Variants in ENPP6 observed in about 807,000 individuals in gnomAD.
ENPP6 encodes ectonucleotide pyrophosphatase/phosphodiesterase 6, also known as glycerophosphocholine cholinephosphodiesterase ENPP6.
Under a neutral mutation model 42.0 loss-of-function variants are expected in ENPP6, and 32 were observed. The observed-to-expected ratio is 0.76, with a 90% CI of 0.58 to 1.02. ENPP6 has a LOEUF of 1.02. Among genes scored for constraint, ENPP6 ranks in the 50% least tolerant of loss-of-function variants. The probability of loss-of-function intolerance (pLI) is 0.00; values close to 1 mark genes in which losing one functional copy is unlikely to be tolerated. For synonymous variants in ENPP6, 213 were observed against 216.0 expected, an observed-to-expected ratio of 0.99 and a Z score of 0.12; for missense variants, 552 against 566.8, an observed-to-expected ratio of 0.97 and a Z score of 0.27.
chr4:184,203,956 A>G (rs1335459388), intron 1 of ENPP6: 1 of 152,236 alleles, frequency 6.6e-6, no homozygotes, highest in East Asian at 1.9e-4. Flanking sequence ...GGTGGCTTAA[A>G]CAAAAGAAAT....
intron 1 of ENPP6, among the ~76,000 whole-genome samples, chr4:184,211,550 T>C (rs987721040): frequency 6.6e-6 from 1 of 152,174 alleles, no homozygotes; most frequent in African/African-American, 2.4e-5. Flanking sequence ...AGGAATTGAA[T>C]CTCTGAATAG....
chr4:184,117,124 A>G (rs1736333851), intron 4 of ENPP6, 89 bp from the exon 5 acceptor site: 1 of 1,440,930 alleles, frequency 6.9e-7, no homozygotes, highest in Non-Finnish European at 9.6e-7. Context: ...GATAGGAGAA[A>G]GGCTATCTCC....
At chr4:184,157,685 T>G (rs1737194027) in intron 1 of ENPP6, among the ~76,000 whole-genome samples, 1 of 151,654 alleles carries the variant, frequency 6.6e-6, no homozygotes, top group African/African-American at 2.4e-5. Flanking sequence ...CAATCATTGC[T>G]CACTGCAACC....
intron 1 of ENPP6, among the ~76,000 whole-genome samples, chr4:184,173,150 C>A (rs1737500614): frequency 6.6e-6 from 1 of 152,096 alleles, no homozygotes; most frequent in Non-Finnish European, 1.5e-5. Flanking sequence ...AATGATCCAC[C>A]CCCCTCAGCC....
intron 1 of ENPP6, among the ~76,000 whole-genome samples, chr4:184,175,314 C>T (rs879354852): frequency 3.3e-5 from 5 of 152,172 alleles, no homozygotes; most frequent in African/African-American, 7.2e-5. Context: ...AAAATCAGTA[C>T]AGGGCCATAA....
Position 184,153,681 on chromosome 4 carries a change from G to C in ENPP6, c.294C>G (p.Thr98=). The part of the protein sequence containing the change: ...QMIGNYMWDP[T]TNKSFDIGVN... ...CGCCAATGTCAAAGGACTTGTTGGT[G>C]GTGGGGTCCCACATGTAGTTCCCGA... The change falls in exon 2 of 8, where the codon ACC becomes ACG. Residue 98 remains threonine, a synonymous_variant. Transcript: ENST00000296741. The C allele has an allele frequency of 2.5e-6, 4 of 1,614,136 alleles. No individual in the cohort carries two copies. The highest frequency in any genetic ancestry group is 3.4e-6 in the Non-Finnish European group (4 of 1,180,020).
chr4:184,109,452 G>T (rs1394926188), intron 6 of ENPP6, among the ~76,000 whole-genome samples: 1 of 152,096 alleles, frequency 6.6e-6, no homozygotes, highest in African/African-American at 2.4e-5. Context: ...AAGCTTTGGG[G>T]GAGGGGTCAT....
chr4:184,166,365 C>T (rs1469105525), intron 1 of ENPP6, among the ~76,000 whole-genome samples: 1 of 152,160 alleles, frequency 6.6e-6, no homozygotes, highest in Non-Finnish European at 1.5e-5. Context: ...CATTCACACT[C>T]ATTGTTTTGA....
chr4:184,199,895 C>T (rs534829650), intron 1 of ENPP6, among the ~76,000 whole-genome samples: 3 of 152,322 alleles, frequency 2.0e-5, no homozygotes, highest in East Asian at 1.9e-4. Flanking sequence ...ATGGTATTTC[C>T]AGCACCTAGA....
intron 1 of ENPP6, among the ~76,000 whole-genome samples, chr4:184,191,536 G>A (rs868831955): frequency 2.6e-5 from 4 of 152,190 alleles, no homozygotes; most frequent in African/African-American, 4.8e-5. Context: ...AACGCAGAGC[G>A]ATGGAGGGGG....
At chr4:184,109,984 A>G (rs896878337) in intron 6 of ENPP6, among the ~76,000 whole-genome samples, 10 of 152,000 alleles carry the variant, frequency 6.6e-5, no homozygotes, top group Admixed American at 3.3e-4. Context: ...GGGCGGGAGG[A>G]TGTGGGGGAG....
intron 6 of ENPP6, among the ~76,000 whole-genome samples, chr4:184,110,701 G>A (rs1024225023): frequency 6.6e-6 from 1 of 152,208 alleles, no homozygotes; most frequent in East Asian, 1.9e-4. Context: ...CAAGAGCATT[G>A]CAGAAGAGCT....
chr4:184,206,139 T>C (rs2111119535), intron 1 of ENPP6, among the ~76,000 whole-genome samples: 1 of 151,938 alleles, frequency 6.6e-6, no homozygotes, highest in Admixed American at 6.5e-5. Context: ...TGTCCCCATG[T>C]AAATGCTAAT....
At chr4:184,166,170 T>C (rs1055696217) in intron 1 of ENPP6, among the ~76,000 whole-genome samples, 1 of 152,166 alleles carries the variant, frequency 6.6e-6, no homozygotes, top group South Asian at 2.1e-4. Flanking sequence ...AAGATTGAGG[T>C]GAAAGCAAAG....
At chr4:184,198,661 T>C (rs1383261150) in intron 1 of ENPP6, among the ~76,000 whole-genome samples, 1 of 152,230 alleles carries the variant, frequency 6.6e-6, no homozygotes, top group Non-Finnish European at 1.5e-5. Context: ...CAAAACTCTT[T>C]GAATGTGAAT....
chr4:184,208,286 G>C (rs1295647523), intron 1 of ENPP6, among the ~76,000 whole-genome samples: 2 of 152,164 alleles, frequency 1.3e-5, no homozygotes, highest in Admixed American at 6.5e-5. Flanking sequence ...CAGCGTGAGC[G>C]ATGCAGAAGA....
At chr4:184,157,766 C>T (rs1268023731) in intron 1 of ENPP6, among the ~76,000 whole-genome samples, 1 of 122,770 alleles carries the variant, frequency 8.1e-6, no homozygotes, top group East Asian at 2.4e-4. Flanking sequence ...CGCCACCAAA[C>T]TTGGCTAATT....
chr4:184,159,800 C>A (rs1579641634), intron 1 of ENPP6, among the ~76,000 whole-genome samples: 2 of 152,178 alleles, frequency 1.3e-5, no homozygotes, highest in South Asian at 2.1e-4. Context: ...TCCCTCACCC[C>A]CATCCCACCC....
chr4:184,139,838 A>T (rs1293128861), intron 2 of ENPP6, among the ~76,000 whole-genome samples: 1 of 74,476 alleles, frequency 1.3e-5, no homozygotes, highest in African/African-American at 5.6e-5. Context: ...GTGTCTTTAT[A>T]GCAGCATGAT....
Sources: allele counts gnomAD v4.1 joint callset (sites outside exome capture counted in the v4.1 genomes callset), GRCh38; gene constraint gnomAD v4.1.1; transcripts MANE v1.5; gene names NCBI Gene and HGNC (gene_info 2026-07-23, HGNC 2026-07-21).